Variants in APP observed in about 807,000 individuals in gnomAD.
APP encodes amyloid-beta precursor protein.
In APP, 31 loss-of-function variants were observed where a neutral mutation model predicts 101.4. The observed-to-expected ratio is 0.31, with a 90% CI of 0.23 to 0.41. The LOEUF is 0.41. Ranked by LOEUF, APP falls within the 10% of genes least tolerant of loss-of-function variation. The pLI, the probability that APP is intolerant of heterozygous loss-of-function variation, is 1.00. For missense variants in APP, 839 were observed against 1,003.7 expected (o/e 0.84, Z 2.22); for synonymous variants, 366 against 364.4 (o/e 1.00, Z -0.05).
At chr21:26,169,764 C>T (rs956472235) in intron 1 of APP, among the ~76,000 whole-genome samples, 3 of 152,214 alleles carry the variant, frequency 2.0e-5, no homozygotes, top group Admixed American at 1.3e-4. Context: ...TTTGTTCCCG[C>T]GGACCTTCTG....
chr21:26,062,230 A>AC (rs57087990), intron 3 of APP, among the ~76,000 whole-genome samples: 1,546 of 145,048 alleles, frequency 0.011, 13 homozygotes, highest in South Asian at 0.027. Context: ...CAAACAAACA[A>AC]ACACACACAC....
chr21:26,140,328 G>C, intron 1 of APP: 1 of 1,525,290 alleles, frequency 6.6e-7, no homozygotes, highest in Non-Finnish European at 8.8e-7. Flanking sequence ...CCTCGGGAGG[G>C]TGAGTCAACA....
intron 14 of APP, among the ~76,000 whole-genome samples, chr21:25,908,413 A>G (rs73182455): frequency 6.6e-6 from 1 of 152,348 alleles, no homozygotes; most frequent in Non-Finnish European, 1.5e-5. Context: ...AACTATGATA[A>G]TGAGGACTGC....
intron 3 of APP, among the ~76,000 whole-genome samples, chr21:26,063,268 CTA>C (rs2046341767): frequency 6.6e-6 from 1 of 152,122 alleles, no homozygotes; most frequent in East Asian, 1.9e-4. Context: ...ATAAATACAA[CTA>C]GTTAGCTATA....
intron 2 of APP, among the ~76,000 whole-genome samples, chr21:26,109,295 G>T (rs1419634964): frequency 6.6e-6 from 1 of 152,192 alleles, no homozygotes; most frequent in African/African-American, 2.4e-5. Context: ...GGGTCTGGTG[G>T]GAAGGGATTG....
chr21:26,150,644 G>C (rs1019631172), intron 1 of APP, among the ~76,000 whole-genome samples: 14 of 152,186 alleles, frequency 9.2e-5, no homozygotes, highest in African/African-American at 3.4e-4. Context: ...CAGACAGACA[G>C]ATTGACTGAT....
chr21:26,000,601 T>C (rs2043251499), intron 6 of APP, among the ~76,000 whole-genome samples: 1 of 152,214 alleles, frequency 6.6e-6, no homozygotes, highest in South Asian at 2.1e-4. Context: ...CTCACAAACA[T>C]CTGATTGCTT....
intron 1 of APP, among the ~76,000 whole-genome samples, chr21:26,129,216 T>C (rs1026210846): frequency 6.6e-6 from 1 of 152,188 alleles, no homozygotes; most frequent in Non-Finnish European, 1.5e-5. Flanking sequence ...CTCACGCCTG[T>C]AATCCCAGCA....
intron 11 of APP, among the ~76,000 whole-genome samples, chr21:25,970,710 C>A (rs1375166301): frequency 6.6e-6 from 1 of 152,160 alleles, no homozygotes; most frequent in South Asian, 2.1e-4. Context: ...CAGTGACTCG[C>A]GGCTCTACCC....
Position 25,975,960 on chromosome 21 carries a change from A to G in APP, c.1293T>C (p.Val431=). The G allele has an allele frequency of 6.2e-7, 1 of 1,613,650 alleles. No homozygotes were observed. The highest frequency in any genetic ancestry group is 8.5e-7 in the Non-Finnish European group (1 of 1,179,626). The change falls in exon 10 of 18, where the codon GTT becomes GTC. Residue 431 remains valine, a synonymous_variant. Transcript: ENST00000346798. ...AAATGGGTTCAGGTTTTACCTGGAT[A>G]ACTGCCTTCTTATCAGCTTTAGGCA... The part of the protein sequence containing the change: ...KNLPKADKKA[V]IQHFQEKVES...
At chr21:26,042,116 T>C (rs1457565462) in intron 5 of APP, among the ~76,000 whole-genome samples, 1 of 152,218 alleles carries the variant, frequency 6.6e-6, no homozygotes, top group African/African-American at 2.4e-5. Flanking sequence ...TGCGGCCCTC[T>C]AAAGTTGTTA....
chr21:26,159,542 C>G (rs1229186560), intron 1 of APP, among the ~76,000 whole-genome samples: 3 of 152,184 alleles, frequency 2.0e-5, no homozygotes, highest in Non-Finnish European at 4.4e-5. Context: ...CTCATCTGCA[C>G]ACAGAAGAAT....
chr21:26,150,888 T>C (rs2063254969), intron 1 of APP, among the ~76,000 whole-genome samples: 1 of 152,228 alleles, frequency 6.6e-6, no homozygotes, highest in African/African-American at 2.4e-5. Flanking sequence ...ACTCATTATG[T>C]AGTTACAGTA....
intron 9 of APP, among the ~76,000 whole-genome samples, chr21:25,977,520 T>C (rs1042831508): frequency 1.3e-5 from 2 of 152,194 alleles, no homozygotes; most frequent in Non-Finnish European, 2.9e-5. Context: ...TAAATAACTA[T>C]AGATAGAAGA....
intron 1 of APP, among the ~76,000 whole-genome samples, chr21:26,165,530 C>A (rs1864829959): frequency 6.6e-6 from 1 of 152,228 alleles, no homozygotes; most frequent in African/African-American, 2.4e-5. Flanking sequence ...GCCTTCTCTA[C>A]ATACCTGAGA....
intron 1 of APP, among the ~76,000 whole-genome samples, chr21:26,152,635 G>A (rs148272131): frequency 2.2e-4 from 34 of 152,166 alleles, no homozygotes; most frequent in African/African-American, 7.9e-4. Context: ...TATAAAGAAT[G>A]TAATTCTTTC....
At chr21:26,077,402 C>T (rs749928146) in intron 3 of APP, among the ~76,000 whole-genome samples, 4 of 152,152 alleles carry the variant, frequency 2.6e-5, no homozygotes, top group Admixed American at 6.5e-5. Flanking sequence ...TCTGCCAGAA[C>T]GCTCATACTT....
At chr21:25,884,646 T>C (rs1166427169) in intron 17 of APP, among the ~76,000 whole-genome samples, 1 of 152,144 alleles carries the variant, frequency 6.6e-6, no homozygotes, top group Non-Finnish European at 1.5e-5. Context: ...TTGGGCATCA[T>C]TTTTGCTCCC....
chr21:25,906,275 C>A (rs1471655884), intron 14 of APP, among the ~76,000 whole-genome samples: 1 of 152,184 alleles, frequency 6.6e-6, no homozygotes, highest in African/African-American at 2.4e-5. Context: ...AAATTTGGTC[C>A]TTTCTCATGT....
Sources: gnomAD v4.1 joint callset for allele counts (sites outside exome capture counted in the v4.1 genomes callset) on GRCh38, gnomAD v4.1.1 for gene constraint, MANE v1.5 for transcripts, NCBI Gene and HGNC (gene_info 2026-07-23, HGNC 2026-07-21) for gene names.